The following KCNG4 variants were observed in gnomAD, a reference collection of about 807,000 sequenced individuals.
KCNG4 encodes the protein potassium voltage-gated channel modifier subfamily G member 4.
KCNG4 carries 30 observed loss-of-function variants against 28.2 expected under a neutral mutation model. The ratio of observed to expected loss-of-function variants is 1.06; its 90% CI spans 0.80 to 1.44. KCNG4 has a LOEUF of 1.44. KCNG4 is among the 40% of genes most tolerant of loss of function. The pLI is 0.00. For missense variants in KCNG4, 879 were observed against 712.3 expected, an observed-to-expected ratio of 1.23 and a Z score of -2.66; for synonymous variants, 375 against 315.5, an observed-to-expected ratio of 1.19 and a Z score of -2.00.
intron 2 of KCNG4, among the ~76,000 whole-genome samples, chr16:84,224,365 A>C (rs761075341): frequency 3.0e-4 from 45 of 151,538 alleles, no homozygotes; most frequent in Non-Finnish European, 5.3e-4. Context: ...GGATAATTCA[A>C]ATGTGGAGCC....
intron 2 of KCNG4, among the ~76,000 whole-genome samples, chr16:84,224,177 T>G (rs915027419): frequency 6.6e-6 from 1 of 152,134 alleles, no homozygotes; most frequent in East Asian, 1.9e-4. Context: ...TCCAGGTGAC[T>G]CATGCAAACT....
At position 84,222,939 on chromosome 16, in the gene KCNG4, G is replaced by T. The variant is rs756076508; in HGVS notation, c.838C>A (p.Arg280=). ...CACTTGTCTTGGGCCTGGACAAACC[G>T]CAGGCAGAACTCCAGGGAGAACCAG... The part of the protein sequence containing the change: ...VAWFSLEFCL[R]FVQAQDKCQF... The change falls in exon 3 of 3, where the codon CGG becomes AGG. Residue 280 remains arginine, a synonymous_variant. Coordinates refer to ENST00000308251, the MANE Select transcript of KCNG4 (RefSeq NM_172347.3). The T allele has an allele frequency of 6.3e-7, 1 of 1,594,222 alleles. No homozygotes were observed. The highest frequency in any genetic ancestry group is 8.6e-7 in the Non-Finnish European group (1 of 1,169,146).
intron 1 of KCNG4, among the ~76,000 whole-genome samples, chr16:84,238,195 T>A (rs544805223): frequency 1.3e-5 from 2 of 152,138 alleles, no homozygotes; most frequent in African/African-American, 2.4e-5. Flanking sequence ...AACAACCTCA[T>A]GAAGTAGACA....
At chr16:84,239,285 G>T (rs1597623563) in intron 1 of KCNG4, among the ~76,000 whole-genome samples, 1 of 152,236 alleles carries the variant, frequency 6.6e-6, no homozygotes, top group African/African-American at 2.4e-5. Context: ...AGAGGAGGAT[G>T]AGGAGCCTGC....
At chr16:84,237,571 T>C in intron 1 of KCNG4, 46 bp from the exon 2 acceptor site, 17 of 1,361,546 alleles carry the variant, frequency 1.2e-5, no homozygotes, top group Non-Finnish European at 1.6e-5. Flanking sequence ...GGGAAATCAG[T>C]CTTGGGGCAA....
At chr16:84,230,234 G>A (rs1191739046) in intron 2 of KCNG4, among the ~76,000 whole-genome samples, 1 of 151,996 alleles carries the variant, frequency 6.6e-6, no homozygotes, top group African/African-American at 2.4e-5. Flanking sequence ...GCGAAACCCC[G>A]TCTCTACTAA....
In KCNG4 at chr16:84,237,038, A is replaced by T. The variant is rs1430202422; in HGVS notation, c.448T>A (p.Trp150Arg). Reference sequence around the variant, plus strand: ...TCCAGGTGGGCCTCCTCGATGCCCCAGTAGGCCAGCTCCTCCTGGAAGGAC... The same window carrying T: ...TCCAGGTGGGCCTCCTCGATGCCCCTGTAGGCCAGCTCCTCCTGGAAGGAC... The part of the protein sequence containing the change: ...ALSFQEELAY[W>R]GIEEAHLERC... Residue 150 changes from tryptophan to arginine, a missense_variant, in exon 2 of 3, where the codon TGG becomes AGG. Physicochemically the swap from Trp to Arg is moderately radical, Grantham distance 101 (BLOSUM62 -3). Coordinates refer to ENST00000308251, the MANE Select transcript of KCNG4 (RefSeq NM_172347.3). 1.2e-6 allele frequency: 2 copies of T among 1,613,952 alleles called. No individual in the cohort carries two copies. The highest frequency in any genetic ancestry group is 4.5e-5 in the East Asian group (2 of 44,872).
chr16:84,228,719 G>A (rs1490700102), intron 2 of KCNG4, among the ~76,000 whole-genome samples: 2 of 152,230 alleles, frequency 1.3e-5, no homozygotes, highest in Non-Finnish European at 2.9e-5. Flanking sequence ...ATGGGACCTG[G>A]CCGATGAGTC....
chr16:84,224,419 C>CACAT (rs1904651973), intron 2 of KCNG4, among the ~76,000 whole-genome samples: 2 of 151,154 alleles, frequency 1.3e-5, no homozygotes, highest in African/African-American at 2.4e-5. Context: ...CACACACACA[C>CACAT]ACACACACAC....
rs1698207195 is a variant in KCNG4, at chr16:84,221,935, G to T, written c.*282C>A. 2.2e-6 allele frequency: 1 copy of T among 447,876 alleles called. No individual in the cohort carries two copies. The highest frequency in any genetic ancestry group is 2.0e-5 in the African/African-American group (1 of 50,058). The allele number at this position is 447,876 out of a possible 1,614,324, so 27.7% of individuals were successfully genotyped here. A position where few individuals can be genotyped will look rare whatever the true frequency, so the allele number is the denominator to read the frequency against. ...AAAGCCTCTGCTGGGAAGGAAAAGA[G>T]AATGAAAGGAGACTGAGCTACTCCA... is the stretch of plus-strand genomic sequence containing the variant. On this transcript the variant is annotated 3_prime_UTR_variant, in exon 3 of 3. Coordinates refer to ENST00000308251, the MANE Select transcript of KCNG4 (RefSeq NM_172347.3).
Position 84,237,087 on chromosome 16 carries a change from C to T in KCNG4, c.399G>A (p.Val133=). The part of the protein sequence containing the change: ...IVSFLAAGKL[V]LLQEMCALSF... Reference sequence around the variant, plus strand: ...ACAGCGCGCACATCTCCTGCAGAAGCACCAGCTTCCCGGCCGCCAGGAAGC... The same window carrying T: ...ACAGCGCGCACATCTCCTGCAGAAGTACCAGCTTCCCGGCCGCCAGGAAGC... Residue 133 remains valine, a synonymous_variant, in exon 2 of 3, where the codon GTG becomes GTA. Transcript: ENST00000308251. 1.9e-6 allele frequency: 3 copies of T among 1,614,130 alleles called. No individual in the cohort carries two copies. The highest frequency in any genetic ancestry group is 4.5e-5 in the East Asian group (2 of 44,884).
chr16:84,228,553 C>G (rs965567746), intron 2 of KCNG4, among the ~76,000 whole-genome samples: 16 of 152,118 alleles, frequency 1.1e-4, no homozygotes, highest in Non-Finnish European at 2.4e-4. Flanking sequence ...CATGGGCCTC[C>G]CCCCAGGCAC....
chr16:84,230,857 C>T (rs763986426), intron 2 of KCNG4, among the ~76,000 whole-genome samples: 116 of 152,236 alleles, frequency 7.6e-4, no homozygotes, highest in Non-Finnish European at 1.4e-3. Context: ...AGTGGGAAGG[C>T]CGGCAGGGCT....
At position 84,222,662 on chromosome 16, in the gene KCNG4, C is replaced by G; in HGVS notation, c.1115G>C (p.Gly372Ala). The change falls in exon 3 of 3, where the codon GGC becomes GCC. Residue 372 changes from glycine to alanine, a missense_variant. Gly to Ala is a moderately conservative substitution (Grantham distance 60). Transcript: ENST00000308251. ...CACGGCCAGGAAGAGAAGGAGCAGG[C>G]CGAACTCACGTGTGCAACGGCGCAC... ...LTVRRCTREF[G>A]LLLLFLAVAI... The G allele has an allele frequency of 6.2e-7, 1 of 1,613,248 alleles. No individual in the cohort carries two copies. The highest frequency in any genetic ancestry group is 1.1e-5 in the South Asian group (1 of 91,062).
At position 84,236,842 on chromosome 16, in the gene KCNG4, T is replaced by C; in HGVS notation, c.644A>G (p.Gln215Arg). The C allele has an allele frequency of 2.5e-6, 4 of 1,613,626 alleles. No individual in the cohort carries two copies. Among genetic ancestry groups the C allele is most frequent in the Non-Finnish European group, 3.4e-6 (4 of 1,180,032 alleles). Residue 215 changes from glutamine (Q) to arginine (R), a missense_variant, in exon 2 of 3, where the codon CAG (glutamine) becomes CGG (arginine). Gln to Arg is a conservative substitution (Grantham distance 43, BLOSUM62 1). Coordinates refer to ENST00000308251, the MANE Select transcript of KCNG4 (RefSeq NM_172347.3). ...NRLREMVENP[Q>R]SGLPGKVFAC... is the part of the protein sequence containing the mutation. ...GAAGACCTTCCCGGGCAGCCCGGAC[T>C]GCGGGTTTTCCACCATCTCGCGCAG...
intron 2 of KCNG4, among the ~76,000 whole-genome samples, chr16:84,231,201 T>A (rs1904819313): frequency 6.6e-6 from 1 of 152,150 alleles, no homozygotes; most frequent in African/African-American, 2.4e-5. Context: ...TGAATAGTGT[T>A]ATGATTGTCC....
chr16:84,236,620 T>C, intron 2 of KCNG4, 110 bp downstream of exon 2: 1 of 1,138,854 alleles, frequency 8.8e-7, no homozygotes, highest in Non-Finnish European at 1.2e-6. Context: ...TAATATTCAT[T>C]TTTTTCTTCT....
In KCNG4 at chr16:84,239,165, G is replaced by T. The variant is rs1027722307; in HGVS notation, c.-41+505C>A. 3.9e-5 allele frequency among the ~76,000 whole-genome samples: 6 copies of T among 152,114 alleles called. 1 individual carries two copies. Among genetic ancestry groups the T allele is most frequent in the South Asian group, 4.1e-4 (2 of 4,826 alleles). ...AAAGTTCCTCTCAATTTCAGAGCCG[G>T]TTGGATTCCGGTGGATAGTGGAGAG... is the stretch of plus-strand genomic sequence containing the variant. On this transcript the variant is annotated intron_variant, in intron 1 of 2. Coordinates refer to ENST00000308251, the MANE Select transcript of KCNG4 (RefSeq NM_172347.3).
At chr16:84,227,512 G>C (rs537896342) in intron 2 of KCNG4, among the ~76,000 whole-genome samples, 64 of 152,316 alleles carry the variant, frequency 4.2e-4, no homozygotes, top group African/African-American at 1.5e-3. Context: ...AGGAGGTGGA[G>C]GTTGCAGGGA....
Sources: gnomAD v4.1 joint callset for allele counts (sites outside exome capture counted in the v4.1 genomes callset) on GRCh38, gnomAD v4.1.1 for gene constraint, MANE v1.5 for transcripts, NCBI Gene and HGNC (gene_info 2026-07-23, HGNC 2026-07-21) for gene names.